The following KLHL7 variants were observed in gnomAD, a reference collection of about 807,000 sequenced individuals.
The protein encoded by KLHL7 is kelch like family member 7, also known as kelch-like protein 7.
In KLHL7, 44 loss-of-function variants were observed where a neutral mutation model predicts 67.4. The observed-to-expected ratio is 0.65, with a 90% CI of 0.51 to 0.84. The LOEUF (loss-of-function observed/expected upper bound fraction) is 0.84. Among genes scored for constraint, KLHL7 ranks in the 40% least tolerant of loss-of-function variants. The pLI is 0.00. For synonymous variants in KLHL7, 252 were observed against 243.3 expected (o/e 1.04, Z -0.33); for missense variants, 362 against 718.1 (o/e 0.50, Z 5.67).
chr7:23,120,953 A>T (rs57671858), intron 1 of KLHL7, among the ~76,000 whole-genome samples: 1 of 152,130 alleles, frequency 6.6e-6, no homozygotes, highest in South Asian at 2.1e-4. Context: ...TATGTCCTTT[A>T]ACAAACCTCT....
intron 1 of KLHL7, among the ~76,000 whole-genome samples, chr7:23,110,118 G>C (rs890233446): frequency 6.6e-6 from 1 of 152,306 alleles, no homozygotes; most frequent in East Asian, 1.9e-4. Flanking sequence ...ATCAGTGCCC[G>C]TGAGCAATCT....
intron 9 of KLHL7, chr7:23,171,177 T>G: frequency 2.7e-6 from 1 of 363,762 alleles, no homozygotes; most frequent in South Asian, 2.1e-5. Context: ...AGTGCTGGGA[T>G]TACAGGCGAA....
chr7:23,140,281 G>A (rs1427469520), intron 4 of KLHL7, among the ~76,000 whole-genome samples: 3 of 152,176 alleles, frequency 2.0e-5, no homozygotes, highest in East Asian at 1.9e-4. Context: ...CCAGCTGGGC[G>A]CGGTGGCTCA....
intron 4 of KLHL7, among the ~76,000 whole-genome samples, chr7:23,128,866 C>T (rs1317847345): frequency 6.6e-6 from 1 of 152,144 alleles, no homozygotes. Context: ...TGTCTGGCCT[C>T]TTTGAGCACA....
At position 23,129,269 on chromosome 7, in the gene KLHL7, A is replaced by T. The variant is rs1783705694; in HGVS notation, c.442+4097A>T. On this transcript the variant is annotated intron_variant, in intron 4 of 10. Coordinates refer to ENST00000339077, the MANE Select transcript of KLHL7 (RefSeq NM_001031710.3). ...ACTGTGTTGTTGTACATCACCAAAC[A>T]CTTCAAGCTGAGGCACCTCTCCAGC... is the stretch of plus-strand genomic sequence containing the variant. 4.0e-5 allele frequency: 10 copies of T among 252,896 alleles called. No individual in the cohort carries two copies. In the South Asian group the frequency reaches 5.0e-4, roughly 13 times the overall value. The allele number at this position is 252,896 out of a possible 1,614,324, so 15.7% of individuals were successfully genotyped here. A position where few individuals can be genotyped will look rare whatever the true frequency, so the allele number is the denominator to read the frequency against.
At position 23,165,907 on chromosome 7, in the gene KLHL7, C is replaced by T. The variant is rs988478726; in HGVS notation, c.1146C>T (p.Gly382=). 4 of 1,614,000 alleles carry T rather than the reference C, an allele frequency of 2.5e-6. No homozygotes were observed. The African/African-American group carries it at 4.0e-5, about 16-fold the overall frequency. ...GCCTTGCTGCATGTGCTGCAGAAGG[C>T]AAAATTTATACATCTGGAGGTTCAG... ...RDSLAACAAE[G]KIYTSGGSEV... Residue 382 remains glycine, a synonymous_variant, in exon 8 of 11, where the codon GGC becomes GGT. Transcript: ENST00000339077.
chr7:23,150,448 G>A (rs1029706442), intron 6 of KLHL7, among the ~76,000 whole-genome samples: 1 of 152,004 alleles, frequency 6.6e-6, no homozygotes, highest in Non-Finnish European at 1.5e-5. Context: ...AAACAGTAGT[G>A]CACTCTGCGT....
At chr7:23,118,318 C>G (rs981886381) in intron 1 of KLHL7, among the ~76,000 whole-genome samples, 28 of 152,326 alleles carry the variant, frequency 1.8e-4, no homozygotes, top group Admixed American at 1.5e-3. Flanking sequence ...TATTTGAGGA[C>G]CCGTCACTAC....
intron 1 of KLHL7, among the ~76,000 whole-genome samples, chr7:23,116,390 G>A (rs1265221936): frequency 2.0e-5 from 3 of 152,268 alleles, no homozygotes; most frequent in South Asian, 2.1e-4. Flanking sequence ...CAGCAGCAGC[G>A]CAGACATGTT....
At chr7:23,127,356 G>C (rs1329292125) in intron 4 of KLHL7, among the ~76,000 whole-genome samples, 1 of 152,106 alleles carries the variant, frequency 6.6e-6, no homozygotes, top group Non-Finnish European at 1.5e-5. Flanking sequence ...CACAAAGCTG[G>C]GAGGAAGGAC....
Position 23,140,803 on chromosome 7 carries a change from T to C in KLHL7, c.477T>C (p.Pro159=). Residue 159 remains proline, a synonymous_variant, in exon 5 of 11, where the codon CCT becomes CCC. Coordinates refer to ENST00000339077, the MANE Select transcript of KLHL7 (RefSeq NM_001031710.3). ...TGCTAGCGGAGTGTCTAGATTGTCC[T>C]GAATTGAAAGCAACTGCAGATGACT... ...ISVLAECLDC[P]ELKATADDFI... The C allele has an allele frequency of 1.2e-6, 2 of 1,614,012 alleles. No homozygotes were observed. The highest frequency in any genetic ancestry group is 1.7e-6 in the Non-Finnish European group (2 of 1,179,970).
At chr7:23,140,624 G>A in intron 4 of KLHL7, 145 bp from the exon 5 acceptor site, 1 of 753,430 alleles carries the variant, frequency 1.3e-6, no homozygotes, top group Non-Finnish European at 2.3e-6. Context: ...ATTGGCACAA[G>A]AATAGACAAA....
intron 2 of KLHL7, 86 bp downstream of exon 2, chr7:23,123,965 T>G (rs1783456466): frequency 5.1e-6 from 5 of 977,758 alleles, no homozygotes; most frequent in Non-Finnish European, 6.4e-6. Flanking sequence ...TTTTCTAATT[T>G]TTAAAGCAGT....
intron 1 of KLHL7, 32 bp from the exon 2 acceptor site, chr7:23,123,745 C>T (rs1783446815): frequency 2.0e-6 from 3 of 1,495,126 alleles, no homozygotes; most frequent in African/African-American, 1.4e-5. Flanking sequence ...TAGTGAGCCT[C>T]TTTTTATTTT....
At chr7:23,139,202 G>A (rs1280863486) in intron 4 of KLHL7, among the ~76,000 whole-genome samples, 2 of 151,664 alleles carry the variant, frequency 1.3e-5, no homozygotes, top group Non-Finnish European at 2.9e-5. Context: ...CTTCAGTTTT[G>A]CTATAAACCT....
At chr7:23,117,826 G>C (rs1238026653) in intron 1 of KLHL7, 1 of 1,602,826 alleles carries the variant, frequency 6.2e-7, no homozygotes, top group East Asian at 2.2e-5. Flanking sequence ...TTCCCTTTAT[G>C]TTTTCAGTGA....
chr7:23,166,026 A>G, intron 8 of KLHL7, 88 bp downstream of exon 8: 1 of 1,385,264 alleles, frequency 7.2e-7, no homozygotes, highest in Non-Finnish European at 1.0e-6. Flanking sequence ...AGCTGGTATT[A>G]TTTGTCCAGA....
intron 6 of KLHL7, among the ~76,000 whole-genome samples, chr7:23,146,661 TTCTTC>T (rs979612234): frequency 1.1e-4 from 13 of 118,092 alleles, no homozygotes; most frequent in Non-Finnish European, 2.0e-4. Flanking sequence ...CTTCTTCTTC[TTCTTC>T]TTTTTTTTTT....
intron 1 of KLHL7, among the ~76,000 whole-genome samples, chr7:23,122,638 A>G (rs753520943): frequency 2.0e-5 from 3 of 152,238 alleles, no homozygotes; most frequent in Non-Finnish European, 4.4e-5. Flanking sequence ...AATAAGCTGT[A>G]AAAGTGAAAT....
Sources: gnomAD v4.1 joint callset for allele counts (sites outside exome capture counted in the v4.1 genomes callset) on GRCh38, gnomAD v4.1.1 for gene constraint, MANE v1.5 for transcripts, NCBI Gene and HGNC (gene_info 2026-07-23, HGNC 2026-07-21) for gene names.